Variants in SLC7A2 observed in about 807,000 individuals in gnomAD.
SLC7A2 encodes the protein cationic amino acid transporter 2.
A neutral mutation model predicts 58.9 loss-of-function variants in SLC7A2; 48 were observed. The observed-to-expected ratio is 0.82, with a 90% CI of 0.65 to 1.04. The LOEUF is 1.04. SLC7A2 is among the 50% of genes least tolerant of loss of function. SLC7A2 has a pLI of 0.00. For missense variants in SLC7A2, 1,029 were observed against 818.8 expected, an observed-to-expected ratio of 1.26 and a Z score of -3.13; for synonymous variants, 363 against 314.5, an observed-to-expected ratio of 1.15 and a Z score of -1.63.
In SLC7A2 at chr8:17,569,114, C is replaced by T. The variant is rs989643109; in HGVS notation, c.*3968C>T. On this transcript the variant is annotated 3_prime_UTR_variant, in exon 13 of 13. Coordinates refer to ENST00000494857, the MANE Select transcript of SLC7A2 (RefSeq NM_001370338.1). ...AGGGAGCACTTGAGCCTTGCCTTCC[C>T]TCCTCTTAAATCAGGGTGTGTTCCG... The T allele has an allele frequency of 5.3e-5, 8 of 152,134 alleles. No homozygotes were observed. The highest frequency in any genetic ancestry group is 1.0e-4 in the Non-Finnish European group (7 of 68,028). 9.4% of individuals were successfully genotyped at this position (152,134 alleles called of 1,614,324 possible).
chr8:17,537,110 G>T (rs1002396841), intron 2 of SLC7A2, among the ~76,000 whole-genome samples: 7 of 152,210 alleles, frequency 4.6e-5, no homozygotes, highest in Non-Finnish European at 1.0e-4. Flanking sequence ...AGGCTGGAGT[G>T]CAGTGGCACG....
At chr8:17,549,334 T>C (rs1344623487) in intron 5 of SLC7A2, among the ~76,000 whole-genome samples, 3 of 152,262 alleles carry the variant, frequency 2.0e-5, no homozygotes, top group Non-Finnish European at 4.4e-5. Flanking sequence ...TCTGAGAGAC[T>C]GTTCCATTCC....
At chr8:17,509,907 T>A (rs1206737297) in intron 2 of SLC7A2, among the ~76,000 whole-genome samples, 1 of 152,098 alleles carries the variant, frequency 6.6e-6, no homozygotes, top group South Asian at 2.1e-4. Flanking sequence ...CTATTTTTCA[T>A]TGGTATGTGC....
chr8:17,554,249 ATTAT>A (rs1167680223), intron 7 of SLC7A2, among the ~76,000 whole-genome samples: 1 of 152,142 alleles, frequency 6.6e-6, no homozygotes, highest in East Asian at 1.9e-4. Context: ...TTAAGTCTTA[ATTAT>A]TTAGTTTTAA....
intron 2 of SLC7A2, among the ~76,000 whole-genome samples, chr8:17,541,284 T>C (rs1330364207): frequency 2.0e-5 from 3 of 152,196 alleles, no homozygotes; most frequent in African/African-American, 7.2e-5. Context: ...CTTCTAGATA[T>C]ATGAGAAAGG....
chr8:17,555,071 G>C (rs187163931), intron 8 of SLC7A2: 2 of 1,613,734 alleles, frequency 1.2e-6, no homozygotes, highest in African/African-American at 2.7e-5. Flanking sequence ...TTGACTGCAG[G>C]GGTCATTTCT....
chr8:17,560,237 TATG>T (rs1419686028), intron 9 of SLC7A2, 88 bp from the exon 10 acceptor site: 2 of 865,586 alleles, frequency 2.3e-6, no homozygotes, highest in African/African-American at 3.3e-5. Context: ...TATCACTCTG[TATG>T]ATGTCTTACT....
At chr8:17,549,603 G>A (rs777371113) in intron 5 of SLC7A2, among the ~76,000 whole-genome samples, 4 of 152,120 alleles carry the variant, frequency 2.6e-5, no homozygotes, top group African/African-American at 7.2e-5. Context: ...CAGTTTTATT[G>A]TATTCTCTTA....
rs141193257 is a variant in SLC7A2, at chr8:17,552,246, G to GACAC, written c.1055+276_1055+279dup. Among the ~76,000 whole-genome samples the GACAC allele has an allele frequency of 2.5e-4, 38 of 150,750 alleles. No individual in the cohort carries two copies. In the East Asian group the frequency reaches 4.3e-3, roughly 17 times the overall value. ...AATACATATGGCATTGATACACACAGACACACACACACACACACAAATATA... is the reference window on the plus strand; with the variant it reads ...AATACATATGGCATTGATACACACAGACACACACACACACACACACACAAATATA... On this transcript the variant is annotated intron_variant, in intron 7 of 12. Transcript: ENST00000494857.
rs1389094128 is a variant in SLC7A2, at chr8:17,567,859, T to C, written c.*2713T>C. On this transcript the variant is annotated 3_prime_UTR_variant, in exon 13 of 13. Coordinates refer to ENST00000494857, the MANE Select transcript of SLC7A2 (RefSeq NM_001370338.1). The stretch of plus-strand genomic sequence containing the variant: ...ATAGCAGGTGCTTTGTAATCTGGAA[T>C]GGAGAAGAGGTAGGGGCATTTGGGG... 1.3e-5 allele frequency: 2 copies of C among 152,228 alleles called. No homozygotes were observed. Among genetic ancestry groups the C allele is most frequent in the Admixed American group, 1.3e-4 (2 of 15,278 alleles). The allele number at this position is 152,228 out of a possible 1,614,324, so 9.4% of individuals were successfully genotyped here.
rs947100656 is a variant in SLC7A2 at position 17,566,470 on chromosome 8, T to G, written c.*1324T>G. ...TTTTCTCCCCCTACCCCATAAATTG[T>G]GTAGCACTTTTTATTCCATTTGCTT... is the stretch of plus-strand genomic sequence containing the variant. On this transcript the variant is annotated 3_prime_UTR_variant, in exon 13 of 13. Transcript: ENST00000494857. 1 of 152,202 alleles carries G rather than the reference T, an allele frequency of 6.6e-6. No individual in the cohort carries two copies. Among genetic ancestry groups the G allele is most frequent in the African/African-American group, 2.4e-5 (1 of 41,446 alleles). The allele number at this position is 152,202 out of a possible 1,614,324, so 9.4% of individuals were successfully genotyped here. A position where few individuals can be genotyped will look rare whatever the true frequency, so the allele number is the denominator to read the frequency against.
In SLC7A2 at chr8:17,562,354, G is replaced by T. The variant is rs762279267; in HGVS notation, c.1671+244G>T. Among the ~76,000 whole-genome samples the T allele has an allele frequency of 2.6e-5, 4 of 151,768 alleles. No individual in the cohort carries two copies. In the South Asian group the frequency reaches 6.3e-4, roughly 24 times the overall value. The stretch of plus-strand genomic sequence containing the variant: ...CCCAGTAGCTGGATCACAGGTGCAC[G>T]CCACCACACTCAGCTAATGTTTGTA... On this transcript the variant is annotated intron_variant, in intron 11 of 12. Transcript: ENST00000494857.
chr8:17,563,677 C>A lies in SLC7A2; in HGVS notation c.1746C>A (p.Asp582Glu). Residue 582 changes from aspartate (D) to glutamate (E), a missense_variant, in exon 12 of 13, where the codon GAC (aspartate) becomes GAA (glutamate). By Grantham distance (45) the Asp-to-Glu change is conservative. Transcript: ENST00000494857. ...NIYLMVQLSA[D>E]TWVRFSIWMA... Reference sequence around the variant, plus strand: ...ACTTGATGGTCCAGTTAAGTGCAGACACTTGGGTCAGATTCAGCATTTGGA... The same window carrying A: ...ACTTGATGGTCCAGTTAAGTGCAGAAACTTGGGTCAGATTCAGCATTTGGA... 1 of 1,612,262 alleles carries A rather than the reference C, an allele frequency of 6.2e-7. No homozygotes were observed. The highest frequency in any genetic ancestry group is 8.5e-7 in the Non-Finnish European group (1 of 1,178,506).
chr8:17,544,453 A>T lies in SLC7A2; in HGVS notation c.379A>T (p.Thr127Ser), dbSNP rs1401885502. 1 of 1,613,830 alleles carries T rather than the reference A, an allele frequency of 6.2e-7. No homozygotes were observed. The highest frequency in any genetic ancestry group is 1.3e-5 in the African/African-American group (1 of 75,040). The change falls in exon 4 of 13, where the codon ACA (threonine) becomes TCA (serine). Residue 127 changes from threonine to serine, a missense_variant and splice_region_variant. By Grantham distance (58) the Thr-to-Ser change is moderately conservative. Transcript: ENST00000494857. Reference sequence around the variant, plus strand: ...ATTCTCTGTTCTGTTTTGGGAAGGTACATCAAGTGTTGCAAGAGCCTGGAG... The same window carrying T: ...ATTCTCTGTTCTGTTTTGGGAAGGTTCATCAAGTGTTGCAAGAGCCTGGAG... The part of the protein sequence containing the change: ...WNLILSYVIG[T>S]SSVARAWSGT...
chr8:17,558,364 A>T lies in SLC7A2; in HGVS notation c.1265A>T (p.Tyr422Phe), dbSNP rs780741335. 10 of 1,612,214 alleles carry T rather than the reference A, an allele frequency of 6.2e-6. No individual in the cohort carries two copies. The highest frequency in any genetic ancestry group is 7.6e-6 in the Non-Finnish European group (9 of 1,179,232). ...DMMSIGTLMA[Y>F]SLVAACVLIL... ...ATGTCCATTGGCACACTCATGGCCT[A>T]CTCTCTGGTGGCAGCCTGTGTTCTC... is the stretch of plus-strand genomic sequence containing the variant. The change falls in exon 9 of 13, where the codon TAC becomes TTC. Residue 422 changes from tyrosine (Y) to phenylalanine (F), a missense_variant. By Grantham distance (22) the Tyr-to-Phe change is conservative. Coordinates refer to ENST00000494857, the MANE Select transcript of SLC7A2 (RefSeq NM_001370338.1).
chr8:17,560,242 T>A, intron 9 of SLC7A2, 86 bp from the exon 10 acceptor site: 1 of 903,814 alleles, frequency 1.1e-6, no homozygotes, highest in Admixed American at 1.9e-5. Context: ...CTCTGTATGA[T>A]GTCTTACTTA....
intron 4 of SLC7A2, among the ~76,000 whole-genome samples, chr8:17,545,445 C>G (rs1802122406): frequency 8.5e-6 from 1 of 118,038 alleles, no homozygotes; most frequent in South Asian, 2.9e-4. Flanking sequence ...GAGTCTGACT[C>G]TGTCGCCCAG....
intron 6 of SLC7A2, among the ~76,000 whole-genome samples, chr8:17,550,784 C>T (rs1585252286): frequency 1.3e-5 from 2 of 152,180 alleles, no homozygotes; most frequent in South Asian, 4.1e-4. Context: ...TCACATGGGC[C>T]ATACATGATG....
chr8:17,501,617 A>G (rs142634165), intron 1 of SLC7A2, among the ~76,000 whole-genome samples: 3 of 152,244 alleles, frequency 2.0e-5, no homozygotes, highest in Non-Finnish European at 2.9e-5. Context: ...ACGGGACTTT[A>G]TACACCCAAG....
Sources: gnomAD v4.1 joint callset for allele counts (sites outside exome capture counted in the v4.1 genomes callset) on GRCh38, gnomAD v4.1.1 for gene constraint, MANE v1.5 for transcripts, NCBI Gene and HGNC (gene_info 2026-07-23, HGNC 2026-07-21) for gene names.